Variants in ZNF248 observed in about 807,000 individuals in gnomAD.
ZNF248 encodes KRAB protein domain.
A neutral mutation model predicts 44.3 loss-of-function variants in ZNF248; 20 were observed. The ratio of observed to expected loss-of-function variants is 0.45; its 90% CI spans 0.32 to 0.66. ZNF248 has a LOEUF of 0.66. ZNF248 is among the 30% of genes least tolerant of loss of function. The pLI, the probability that ZNF248 is intolerant of heterozygous loss-of-function variation, is 0.04. For missense variants in ZNF248, 654 were observed against 677.0 expected, an observed-to-expected ratio of 0.97 and a Z score of 0.38; for synonymous variants, 224 against 229.0, an observed-to-expected ratio of 0.98 and a Z score of 0.20.
At chr10:37,793,933 T>A (rs2048846010) in intron 6 of ZNF248, among the ~76,000 whole-genome samples, 1 of 152,160 alleles carries the variant, frequency 6.6e-6, no homozygotes, top group Non-Finnish European at 1.5e-5. Context: ...AGATGTATAA[T>A]TTTTTTAAAT....
intron 6 of ZNF248, among the ~76,000 whole-genome samples, chr10:37,780,665 C>T (rs1291312532): frequency 6.6e-6 from 1 of 152,220 alleles, no homozygotes; most frequent in Non-Finnish European, 1.5e-5. Flanking sequence ...AGCTCGCGCC[C>T]TTCCAGGGCC....
intron 6 of ZNF248, among the ~76,000 whole-genome samples, chr10:37,812,423 G>A (rs1224512576): frequency 6.6e-6 from 1 of 152,162 alleles, no homozygotes; most frequent in African/African-American, 2.4e-5. Context: ...TACAAATGCA[G>A]CTGGGTTTAT....
intron 5 of ZNF248, 74 bp from the exon 6 acceptor site, chr10:37,833,190 G>C: frequency 6.7e-7 from 1 of 1,502,724 alleles, no homozygotes; most frequent in Non-Finnish European, 8.8e-7. Flanking sequence ...TTACACAAAT[G>C]CACTATCATA....
chr10:37,838,162 G>C (rs769800561), intron 3 of ZNF248, 51 bp from the exon 4 acceptor site: 1 of 1,543,944 alleles, frequency 6.5e-7, no homozygotes, highest in Non-Finnish European at 8.8e-7. Context: ...AGATGATACA[G>C]AAAAGATTTA....
chr10:37,828,928 C>T lies in ZNF248; in HGVS notation c.*2687G>A. ...CCTGTGTAGTTCCAAAGGGAGTTTA[C>T]TTATGCTAACAGGAAAGCAGAACAA... On this transcript the variant is annotated 3_prime_UTR_variant, in exon 6 of 6. Coordinates refer to ENST00000395867, the MANE Select transcript of ZNF248 (RefSeq NM_021045.3). The T allele has an allele frequency of 8.1e-6, 8 of 985,382 alleles. No individual in the cohort carries two copies. Among genetic ancestry groups the T allele is most frequent in the Non-Finnish European group, 7.2e-6 (6 of 829,918 alleles). 61.0% of individuals were successfully genotyped at this position (985,382 alleles called of 1,614,324 possible).
At chr10:37,798,870 T>C (rs2049465705) in intron 6 of ZNF248, among the ~76,000 whole-genome samples, 2 of 152,178 alleles carry the variant, frequency 1.3e-5, no homozygotes, top group African/African-American at 4.8e-5. Context: ...ATTGTATTAA[T>C]TTTTCAAAAT....
the ZNF248 span, among the ~76,000 whole-genome samples, chr10:37,771,099 G>A: frequency 1.1e-4 from 16 of 152,212 alleles, no homozygotes; most frequent in East Asian, 1.9e-4. Flanking sequence ...TTAGAATGGC[G>A]ATCATTAAAA....
At chr10:37,771,374 A>G in the ZNF248 span, among the ~76,000 whole-genome samples, 2 of 152,216 alleles carry the variant, frequency 1.3e-5, no homozygotes, top group Non-Finnish European at 2.9e-5. Context: ...AACCAACCCA[A>G]ATGTCCAACA....
At chr10:37,785,869 G>C (rs940990879) in intron 6 of ZNF248, among the ~76,000 whole-genome samples, 3 of 152,236 alleles carry the variant, frequency 2.0e-5, no homozygotes, top group Non-Finnish European at 2.9e-5. Context: ...TGGAAGACTG[G>C]AGCCAAGGAG....
intron 6 of ZNF248, among the ~76,000 whole-genome samples, chr10:37,784,865 C>G (rs914984076): frequency 6.6e-6 from 1 of 152,086 alleles, no homozygotes; most frequent in African/African-American, 2.4e-5. Flanking sequence ...AAAAACAAAA[C>G]AAACAAACAA....
intron 6 of ZNF248, among the ~76,000 whole-genome samples, chr10:37,802,149 G>A (rs1054796051): frequency 6.6e-6 from 1 of 152,100 alleles, no homozygotes; most frequent in Non-Finnish European, 1.5e-5. Context: ...TTTAATTTCT[G>A]TTCCCTTATA....
chr10:37,801,090 A>G (rs1344897678), intron 6 of ZNF248, among the ~76,000 whole-genome samples: 1 of 151,568 alleles, frequency 6.6e-6, no homozygotes, highest in Non-Finnish European at 1.5e-5. Flanking sequence ...AAATATCATT[A>G]TATTTGCTGG....
intron 6 of ZNF248, among the ~76,000 whole-genome samples, chr10:37,813,343 C>T (rs1208702): frequency 0.06 from 9,111 of 152,204 alleles, 351 homozygotes; most frequent in Middle Eastern, 0.095. Context: ...TGTTACTGTA[C>T]AGATACCTTT....
chr10:37,849,681 T>A (rs569489443), intron 3 of ZNF248, among the ~76,000 whole-genome samples: 4 of 150,376 alleles, frequency 2.7e-5, no homozygotes, highest in Non-Finnish European at 5.9e-5. Context: ...AATGAGACTG[T>A]CTCAAAAAAA....
intron 3 of ZNF248, among the ~76,000 whole-genome samples, chr10:37,844,955 C>A (rs1344703978): frequency 4.9e-5 from 7 of 143,526 alleles, no homozygotes; most frequent in Admixed American, 1.4e-4. Flanking sequence ...TTCCCTCCCC[C>A]CTTCCTTCTT....
Position 37,833,093 on chromosome 10 carries a change from C to A in ZNF248, c.262G>T (p.Val88Leu). ...TCATTTTCCTGGCTGCTCTCTAACA[C>A]GTCATCAACTTTCCATTTCCTTTCT... is the stretch of plus-strand genomic sequence containing the variant. ...HPERKWKVDD[V>L]LESSQENEDD... Residue 88 changes from valine (V) to leucine (L), a missense_variant, in exon 6 of 6, where the codon GTG becomes TTG. Physicochemically the swap from Val to Leu is conservative, Grantham distance 32 (BLOSUM62 1). Transcript: ENST00000395867. 1 of 1,592,592 alleles carries A rather than the reference C, an allele frequency of 6.3e-7. No homozygotes were observed. The highest frequency in any genetic ancestry group is 8.5e-7 in the Non-Finnish European group (1 of 1,172,378).
downstream of ZNF248, among the ~76,000 whole-genome samples, chr10:37,824,031 G>C (rs79880401): frequency 0.013 from 2,025 of 152,224 alleles, 20 homozygotes; most frequent in Non-Finnish European, 0.019. Context: ...TATAGAAAGA[G>C]CTTTATGATA....
chr10:37,826,923 T>C (rs1196316875), downstream of ZNF248, among the ~76,000 whole-genome samples: 2 of 152,172 alleles, frequency 1.3e-5, no homozygotes, highest in African/African-American at 4.8e-5. Flanking sequence ...TTGGTTACAG[T>C]GCATGGAAAA....
chr10:37,830,089 T>C lies in ZNF248; in HGVS notation c.*1526A>G. 1.0e-6 allele frequency: 1 copy of C among 985,392 alleles called. No individual in the cohort carries two copies. Among genetic ancestry groups the C allele is most frequent in the Non-Finnish European group, 1.2e-6 (1 of 829,926 alleles). The allele number at this position is 985,392 out of a possible 1,614,324, so 61.0% of individuals were successfully genotyped here. ...AAAATACTAATACGCAGAACTAGTG[T>C]TACATAGACCGTGCCCAAACAGATA... On this transcript the variant is annotated 3_prime_UTR_variant, in exon 6 of 6. Coordinates refer to ENST00000395867, the MANE Select transcript of ZNF248 (RefSeq NM_021045.3).
Sources: allele counts gnomAD v4.1 joint callset (sites outside exome capture counted in the v4.1 genomes callset), GRCh38; gene constraint gnomAD v4.1.1; transcripts MANE v1.5; gene names NCBI Gene and HGNC (gene_info 2026-07-23, HGNC 2026-07-21).